FGF12: variants seen among roughly 807,000 people sequenced by gnomAD.
FGF12 encodes fibroblast growth factor 12.
In FGF12, 14 loss-of-function variants were observed where a neutral mutation model predicts 23.6. The observed-to-expected ratio is 0.59, with a 90% CI of 0.39 to 0.93. The LOEUF (loss-of-function observed/expected upper bound fraction) is 0.93. FGF12 is among the 40% of genes least tolerant of loss of function. The probability of loss-of-function intolerance (pLI) is 0.00; values close to 1 mark genes in which losing one functional copy is unlikely to be tolerated. For missense variants in FGF12, 175 were observed against 217.8 expected, an observed-to-expected ratio of 0.80 and a Z score of 1.24; for synonymous variants, 62 against 77.3, an observed-to-expected ratio of 0.80 and a Z score of 1.04.
chr3:192,340,459 C>T lies in FGF12; in HGVS notation c.125-4995G>A, dbSNP rs182072100. Among the ~76,000 whole-genome samples, 665 of 152,108 alleles carry T rather than the reference C, an allele frequency of 4.4e-3. 5 individuals carry two copies. Among genetic ancestry groups the T allele is most frequent in the Middle Eastern group, 0.017 (5 of 294 alleles). On this transcript the variant is annotated intron_variant, in intron 3 of 5. Transcript: ENST00000445105. ...ATATATTCTGTGTATATTAGCAATC[C>T]CAGTAAACATTTGCAGACTAAATAA...
rs61577014 is a variant in FGF12 at position 192,177,974 on chromosome 3, G to A, written c.229-7318C>T. On this transcript the variant is annotated intron_variant, in intron 4 of 5. Transcript: ENST00000445105. Reference sequence around the variant, plus strand: ...TAAGCTTCTTGAAAGTAGCTACCATGATTGCTATATTCTCTTCGTATTCTC... The same window carrying A: ...TAAGCTTCTTGAAAGTAGCTACCATAATTGCTATATTCTCTTCGTATTCTC... 5.5e-3 allele frequency among the ~76,000 whole-genome samples: 834 copies of A among 152,106 alleles called. 7 individuals are homozygous for A. The highest frequency in any genetic ancestry group is 0.02 in the African/African-American group (811 of 41,508).
At chr3:192,612,867 T>C (rs1038179194) in intron 2 of FGF12, among the ~76,000 whole-genome samples, 1 of 151,964 alleles carries the variant, frequency 6.6e-6, no homozygotes, top group Non-Finnish European at 1.5e-5. Context: ...ACATGCTCCT[T>C]GCCCAAATTT....
At chr3:192,163,015 C>T (rs1015508727) in intron 5 of FGF12, among the ~76,000 whole-genome samples, 2 of 152,070 alleles carry the variant, frequency 1.3e-5, no homozygotes, top group African/African-American at 4.8e-5. Context: ...CTTTTTTTTA[C>T]AATGTCTAAT....
chr3:192,419,247 G>A (rs1721447666), intron 2 of FGF12, among the ~76,000 whole-genome samples: 1 of 152,024 alleles, frequency 6.6e-6, no homozygotes, highest in Admixed American at 6.6e-5. Context: ...ATCATTTAGG[G>A]CCACCCACAG....
chr3:192,676,870 TC>T (rs1173759378), intron 2 of FGF12, among the ~76,000 whole-genome samples: 3 of 152,194 alleles, frequency 2.0e-5, no homozygotes, highest in African/African-American at 7.2e-5. Flanking sequence ...GAAGGATCCA[TC>T]CTTGCTGATA....
chr3:192,711,003 T>G (rs370551568), intron 2 of FGF12, among the ~76,000 whole-genome samples: 1 of 152,036 alleles, frequency 6.6e-6, no homozygotes, highest in South Asian at 2.1e-4. Context: ...CCAACATCAC[T>G]CTACAACTAA....
intron 2 of FGF12, among the ~76,000 whole-genome samples, chr3:192,542,796 T>G (rs1365330899): frequency 6.6e-6 from 1 of 152,160 alleles, no homozygotes; most frequent in Non-Finnish European, 1.5e-5. Context: ...TTGGATCAGA[T>G]CTGGAAGAAT....
chr3:192,581,823 A>T (rs571747642), intron 2 of FGF12, among the ~76,000 whole-genome samples: 1 of 152,290 alleles, frequency 6.6e-6, no homozygotes, highest in East Asian at 1.9e-4. Flanking sequence ...TTAATTACTC[A>T]ATGTGCTGAG....
At position 192,422,124 on chromosome 3, in the gene FGF12, T is replaced by G. The variant is rs556508006; in HGVS notation, c.14-61586A>C. Reference sequence around the variant, plus strand: ...TTAGATAACTGTTGGTGAACAGTTTTGTAATAATTTGGATAAAAGACAGAG... The same window carrying G: ...TTAGATAACTGTTGGTGAACAGTTTGGTAATAATTTGGATAAAAGACAGAG... On this transcript the variant is annotated intron_variant, in intron 2 of 5. Coordinates refer to ENST00000445105, the MANE Select transcript of FGF12 (RefSeq NM_004113.6). Among the ~76,000 whole-genome samples, 4 of 152,254 alleles carry G rather than the reference T, an allele frequency of 2.6e-5. No individual in the cohort carries two copies. In the South Asian group the frequency reaches 6.2e-4, roughly 24 times the overall value.
chr3:192,591,340 A>T (rs1001471806), intron 2 of FGF12, among the ~76,000 whole-genome samples: 1 of 151,570 alleles, frequency 6.6e-6, no homozygotes, highest in Non-Finnish European at 1.5e-5. Context: ...ATCATGAGAG[A>T]ATCTTTCACT....
chr3:192,586,135 T>C (rs1713365158), intron 2 of FGF12, among the ~76,000 whole-genome samples: 1 of 152,190 alleles, frequency 6.6e-6, no homozygotes, highest in Non-Finnish European at 1.5e-5. Context: ...GAGTCTTTGC[T>C]TCTTGTGCAC....
intron 2 of FGF12, among the ~76,000 whole-genome samples, chr3:192,651,561 C>T (rs1716216382): frequency 6.6e-6 from 1 of 152,070 alleles, no homozygotes; most frequent in African/African-American, 2.4e-5. Context: ...AAATAAGATG[C>T]TTTTCTTATA....
intron 2 of FGF12, among the ~76,000 whole-genome samples, chr3:192,375,274 G>GT (rs1719434660): frequency 6.6e-6 from 1 of 151,892 alleles, no homozygotes; most frequent in African/African-American, 2.4e-5. Context: ...TTCGTTTGTG[G>GT]TTTTTATTTA....
intron 2 of FGF12, among the ~76,000 whole-genome samples, chr3:192,570,679 T>G (rs1712546977): frequency 6.6e-6 from 1 of 152,154 alleles, no homozygotes; most frequent in South Asian, 2.1e-4. Flanking sequence ...TCTAGTAGTA[T>G]GCAGATCCCC....
chr3:192,553,237 G>A (rs530506210), intron 2 of FGF12, among the ~76,000 whole-genome samples: 39 of 151,980 alleles, frequency 2.6e-4, no homozygotes, highest in African/African-American at 8.9e-4. Context: ...TTTTACAAAT[G>A]TCATTAAAAT....
chr3:192,166,128 C>T (rs998189162), intron 5 of FGF12, among the ~76,000 whole-genome samples: 15 of 152,182 alleles, frequency 9.9e-5, no homozygotes, highest in Non-Finnish European at 2.1e-4. Flanking sequence ...TAATGCCTGA[C>T]ACAACCTCAA....
In FGF12 at chr3:192,375,596, A is replaced by AT. The variant is rs201176560; in HGVS notation, c.14-15059dup. 9.1e-4 allele frequency among the ~76,000 whole-genome samples: 139 copies of AT among 152,180 alleles called. 1 individual carries two copies. The highest frequency in any genetic ancestry group is 7.5e-3 in the South Asian group (36 of 4,814). ...AAACCCAAGAAATGCTCGTCATAAG[A>AT]TTTTTTTCGTTTATTATGATAGATT... On this transcript the variant is annotated intron_variant, in intron 2 of 5. Coordinates refer to ENST00000445105, the MANE Select transcript of FGF12 (RefSeq NM_004113.6).
Position 192,266,406 on chromosome 3 carries a change from AT to A in FGF12, c.228+68954del, listed in dbSNP as rs1382138521. 7.2e-5 allele frequency among the ~76,000 whole-genome samples: 11 copies of A among 152,272 alleles called. No homozygotes were observed. The South Asian group carries it at 2.3e-3, about 32-fold the overall frequency. ...TGAAAATGAACAACCAACTGGGGGTATTTAAGTAGGTTTACTGCCCTCCCAA... is the reference window on the plus strand; with the variant it reads ...TGAAAATGAACAACCAACTGGGGGTATTAAGTAGGTTTACTGCCCTCCCAA... On this transcript the variant is annotated intron_variant, in intron 4 of 5. Transcript: ENST00000445105.
intron 2 of FGF12, among the ~76,000 whole-genome samples, chr3:192,631,883 G>A (rs1017807881): frequency 1.3e-5 from 2 of 152,162 alleles, no homozygotes; most frequent in Admixed American, 6.5e-5. Flanking sequence ...TGCTAGTGGG[G>A]GAAGCTCATC....
Sources: allele counts gnomAD v4.1 joint callset (sites outside exome capture counted in the v4.1 genomes callset), GRCh38; gene constraint gnomAD v4.1.1; transcripts MANE v1.5; gene names NCBI Gene and HGNC (gene_info 2026-07-23, HGNC 2026-07-21).